The following DRC11 variants were observed in gnomAD, a reference collection of about 807,000 sequenced individuals.
DRC11 encodes the protein dynein regulatory complex subunit 11.
chr2:236,501,719 A>G, the DRC11 span, among the ~76,000 whole-genome samples: 1 of 152,170 alleles, frequency 6.6e-6, no homozygotes, highest in Admixed American at 6.5e-5. Flanking sequence ...AGGTGTGACA[A>G]CTGTTGACAT....
At chr2:236,493,839 C>G in the DRC11 span, 1 of 1,607,280 alleles carries the variant, frequency 6.2e-7, no homozygotes, top group South Asian at 1.1e-5. Context: ...TTTATTACTT[C>G]CAACTTCTCC....
chr2:236,321,417 A>C, the DRC11 span, among the ~76,000 whole-genome samples: 1 of 152,262 alleles, frequency 6.6e-6, no homozygotes, highest in Non-Finnish European at 1.5e-5. Flanking sequence ...TATATGTTCT[A>C]ATGGCGTGTT....
the DRC11 span, among the ~76,000 whole-genome samples, chr2:236,459,632 TATACGTATATACGTATATATGTATATAC>T: frequency 1.4e-4 from 20 of 139,574 alleles, no homozygotes; most frequent in East Asian, 6.0e-4. Context: ...TACATACGTA[TATACGTATATACGTATATATGTATATAC>T]ATACGTATAT....
At chr2:236,399,846 G>C in the DRC11 span, among the ~76,000 whole-genome samples, 1 of 152,102 alleles carries the variant, frequency 6.6e-6, no homozygotes, top group Non-Finnish European at 1.5e-5. This position sits in a 1 kb window ranked among gnomAD's most constrained non-coding sequence, Gnocchi z 7.0. Context: ...CTCCCCAGTA[G>C]CTGGGACTGC....
chr2:236,490,798 T>C, the DRC11 span, among the ~76,000 whole-genome samples: 1 of 151,746 alleles, frequency 6.6e-6, no homozygotes, highest in African/African-American at 2.4e-5. The surrounding 1 kb of genome is among the most constrained non-coding windows in gnomAD (Gnocchi z 5.5). Context: ...TGTGTGTGTG[T>C]CTGCATGCGT....
At chr2:236,501,396 T>C in the DRC11 span, among the ~76,000 whole-genome samples, 2 of 151,978 alleles carry the variant, frequency 1.3e-5, no homozygotes, top group Non-Finnish European at 1.5e-5. Context: ...TAATAAACAA[T>C]TACACTGATC....
chr2:236,416,197 A>T, the DRC11 span, among the ~76,000 whole-genome samples: 1 of 152,210 alleles, frequency 6.6e-6, no homozygotes, highest in African/African-American at 2.4e-5. Context: ...GAGAGCTATC[A>T]GCTAATCCCA....
the DRC11 span, among the ~76,000 whole-genome samples, chr2:236,432,810 T>C: frequency 1.3e-5 from 2 of 152,110 alleles, no homozygotes; most frequent in South Asian, 4.1e-4. Context: ...GATTTCTGGG[T>C]TTGTATCATA....
chr2:236,459,500 T>TGTATAC, the DRC11 span, among the ~76,000 whole-genome samples: 4 of 103,132 alleles, frequency 3.9e-5, no homozygotes, highest in East Asian at 3.2e-4. Context: ...TACGTATATA[T>TGTATAC]GTATACGTAT....
the DRC11 span, chr2:236,338,499 C>G: frequency 1.1e-6 from 1 of 924,362 alleles, no homozygotes; most frequent in Non-Finnish European, 1.6e-6. Context: ...AAAGCTCTGA[C>G]AAACACAATT....
the DRC11 span, among the ~76,000 whole-genome samples, chr2:236,354,206 C>T: frequency 7.3e-3 from 499 of 68,158 alleles, 3 homozygotes; most frequent in Non-Finnish European, 0.012. Flanking sequence ...GTGTGTGTGT[C>T]AATGTATGTG....
At chr2:236,487,734 C>A in the DRC11 span, among the ~76,000 whole-genome samples, 1 of 152,230 alleles carries the variant, frequency 6.6e-6, no homozygotes, top group African/African-American at 2.4e-5. Context: ...CAGCAACATT[C>A]ATTTCAACAA....
chr2:236,357,016 T>C, the DRC11 span, among the ~76,000 whole-genome samples: 2 of 130,064 alleles, frequency 1.5e-5, no homozygotes, highest in Admixed American at 8.3e-5. Flanking sequence ...ATTCATATAT[T>C]ATATATCTAT....
At chr2:236,489,823 G>A in the DRC11 span, among the ~76,000 whole-genome samples, 3 of 152,206 alleles carry the variant, frequency 2.0e-5, no homozygotes, top group African/African-American at 7.2e-5. Flanking sequence ...CACTTGGGAA[G>A]CTGGGGCGAG....
At chr2:236,503,646 C>A in the DRC11 span, 16 of 1,550,842 alleles carry the variant, frequency 1.0e-5, no homozygotes, top group African/African-American at 1.8e-4. This position sits in a 1 kb window ranked among gnomAD's most constrained non-coding sequence, Gnocchi z 4.9. Context: ...TTCCTCAGCG[C>A]TGAGAGACGG....
At chr2:236,372,545 G>A in the DRC11 span, among the ~76,000 whole-genome samples, 2 of 152,050 alleles carry the variant, frequency 1.3e-5, no homozygotes, top group South Asian at 2.1e-4. This position sits in a 1 kb window ranked among gnomAD's most constrained non-coding sequence, Gnocchi z 4.5. Context: ...GCAGCGAGCT[G>A]CACTTTTTTT....
the DRC11 span, chr2:236,380,747 A>C: frequency 1.3e-6 from 1 of 776,566 alleles, no homozygotes; most frequent in Non-Finnish European, 2.2e-6. The surrounding 1 kb of genome is among the most constrained non-coding windows in gnomAD (Gnocchi z 4.9). Flanking sequence ...GTGGAAAGTT[A>C]ATTGTGGTGG....
chr2:236,467,641 G>T, the DRC11 span, among the ~76,000 whole-genome samples: 3 of 152,136 alleles, frequency 2.0e-5, no homozygotes, highest in Non-Finnish European at 2.9e-5. Context: ...GTGAAATCCA[G>T]GAATACTAGG....
the DRC11 span, among the ~76,000 whole-genome samples, chr2:236,502,119 C>A: frequency 6.6e-6 from 1 of 152,056 alleles, no homozygotes; most frequent in Non-Finnish European, 1.5e-5. Context: ...AACCAGTGAC[C>A]CAATGGACCT....
Sources: allele counts gnomAD v4.1 joint callset (sites outside exome capture counted in the v4.1 genomes callset), GRCh38; gene constraint gnomAD v4.1.1; non-coding constraint Gnocchi (gnomAD v3.1); transcripts MANE v1.5; gene names NCBI Gene and HGNC (gene_info 2026-07-23, HGNC 2026-07-21).